PRKG1: variants seen among roughly 807,000 people sequenced by gnomAD.
The protein encoded by PRKG1 is protein kinase cGMP-dependent 1.
Under a neutral mutation model 88.1 loss-of-function variants are expected in PRKG1, and 35 were observed. The ratio of observed to expected loss-of-function variants is 0.40; its 90% confidence interval spans 0.30 to 0.53. PRKG1 has a LOEUF of 0.53. PRKG1 is among the 20% of genes least tolerant of loss of function. PRKG1 has a pLI of 0.59. For synonymous variants in PRKG1, 303 were observed against 292.5 expected (o/e 1.04, Z -0.37); for missense variants, 540 against 839.8 (o/e 0.64, Z 4.41).
intron 3 of PRKG1, among the ~76,000 whole-genome samples, chr10:51,753,313 C>T (rs1265571994): frequency 1.3e-5 from 2 of 152,010 alleles, no homozygotes; most frequent in African/African-American, 2.4e-5. Context: ...TTTCTAGATA[C>T]CAATTCGTTT....
chr10:51,618,332 AC>A (rs1839116828), intron 3 of PRKG1, among the ~76,000 whole-genome samples: 1 of 152,174 alleles, frequency 6.6e-6, no homozygotes, highest in South Asian at 2.1e-4. Flanking sequence ...ATATAAAGTA[AC>A]CCTACCCAAT....
intron 3 of PRKG1, among the ~76,000 whole-genome samples, chr10:51,757,194 T>G (rs995972724): frequency 1.6e-4 from 25 of 152,206 alleles, no homozygotes; most frequent in African/African-American, 5.8e-4. Flanking sequence ...CTCAACCTCC[T>G]GGGTTCAAGT....
intron 5 of PRKG1, among the ~76,000 whole-genome samples, chr10:51,981,585 CAATA>C (rs1162481842): frequency 2.0e-5 from 3 of 151,630 alleles, no homozygotes; most frequent in African/African-American, 7.3e-5. Context: ...GACTCTGTCT[CAATA>C]AATAAATAAA....
intron 2 of PRKG1, among the ~76,000 whole-genome samples, chr10:51,263,100 C>A (rs191196001): frequency 9.9e-5 from 15 of 152,264 alleles, no homozygotes; most frequent in African/African-American, 3.6e-4. Context: ...AAAAATCACA[C>A]CCAGAACACA....
chr10:51,291,668 A>G (rs917775268), intron 2 of PRKG1, among the ~76,000 whole-genome samples: 4 of 152,178 alleles, frequency 2.6e-5, no homozygotes, highest in African/African-American at 9.6e-5. Context: ...CCCCCCTTAA[A>G]AGAAAGAGTG....
intron 3 of PRKG1, among the ~76,000 whole-genome samples, chr10:51,711,350 C>T (rs183237894): frequency 4.0e-5 from 6 of 151,746 alleles, no homozygotes; most frequent in South Asian, 2.1e-4. Context: ...GTGATCGACC[C>T]GCCTCGGGCT....
At chr10:51,073,477 A>T (rs1423441737), upstream of PRKG1, among the ~76,000 whole-genome samples, 1 of 151,734 alleles carries the variant, frequency 6.6e-6, no homozygotes, top group Non-Finnish European at 1.5e-5. Context: ...ATGATTTTTA[A>T]CCCCCACCCT....
chr10:52,166,724 T>C (rs1050576447), intron 9 of PRKG1, among the ~76,000 whole-genome samples: 2 of 147,570 alleles, frequency 1.4e-5, no homozygotes, highest in African/African-American at 4.9e-5. Flanking sequence ...GTATCTTTGA[T>C]GTCTTAATTG....
At chr10:51,599,934 T>C (rs1838555530) in intron 3 of PRKG1, among the ~76,000 whole-genome samples, 1 of 152,190 alleles carries the variant, frequency 6.6e-6, no homozygotes, top group East Asian at 1.9e-4. Flanking sequence ...CATGCATGCA[T>C]ATTTGTGTGC....
chr10:51,501,891 C>T (rs1841038306), intron 3 of PRKG1, among the ~76,000 whole-genome samples: 1 of 148,340 alleles, frequency 6.7e-6, no homozygotes, highest in Non-Finnish European at 1.5e-5. Context: ...TACTGTACAG[C>T]AAAACTGCTG....
chr10:51,948,069 C>T (rs1181890858), intron 5 of PRKG1, among the ~76,000 whole-genome samples: 1 of 151,560 alleles, frequency 6.6e-6, no homozygotes, highest in Non-Finnish European at 1.5e-5. Context: ...TTATTTTTTT[C>T]ATTATATATT....
intron 1 of PRKG1, among the ~76,000 whole-genome samples, chr10:51,097,729 G>C (rs1017766281): frequency 6.6e-6 from 1 of 152,098 alleles, no homozygotes; most frequent in Non-Finnish European, 1.5e-5. Context: ...TTTTAATGCA[G>C]ATTACCCTCC....
chr10:51,143,469 T>C (rs1378907792), intron 1 of PRKG1, among the ~76,000 whole-genome samples: 1 of 152,104 alleles, frequency 6.6e-6, no homozygotes, highest in Non-Finnish European at 1.5e-5. Flanking sequence ...TTCAAAATAC[T>C]AATTTAGTTT....
intron 3 of PRKG1, among the ~76,000 whole-genome samples, chr10:51,575,291 G>C (rs1346531907): frequency 6.6e-6 from 1 of 151,846 alleles, no homozygotes; most frequent in South Asian, 2.1e-4. Context: ...TTTTGGTTAG[G>C]CCTCTCCAGA....
intron 2 of PRKG1, among the ~76,000 whole-genome samples, chr10:51,386,350 T>C (rs1317689161): frequency 6.6e-6 from 1 of 152,134 alleles, no homozygotes; most frequent in Non-Finnish European, 1.5e-5. Flanking sequence ...AGCTGAAAAT[T>C]CCTAAGATCT....
intron 4 of PRKG1, among the ~76,000 whole-genome samples, chr10:51,844,326 A>G (rs890994882): frequency 2.6e-5 from 4 of 152,156 alleles, no homozygotes; most frequent in African/African-American, 9.7e-5. Flanking sequence ...CAAGTGAAAA[A>G]ATATGGAAAT....
chr10:52,121,811 GCTC>G (rs1326745658), intron 7 of PRKG1, among the ~76,000 whole-genome samples: 1 of 152,072 alleles, frequency 6.6e-6, no homozygotes. Flanking sequence ...TCTCCCTACA[GCTC>G]CTGTCTTCTG....
rs1275713886 is a variant in PRKG1 at position 51,602,730 on chromosome 10, A to ATGTGTGTG, written c.592+134895_592+134896insGTGTGTGT. 2.6e-3 allele frequency among the ~76,000 whole-genome samples: 107 copies of ATGTGTGTG among 41,838 alleles called. 2 individuals are homozygous for ATGTGTGTG. The highest frequency in any genetic ancestry group is 9.4e-3 in the Admixed American group (32 of 3,398). The allele number at this position is 41,838 out of a possible 152,430, so 27.4% of individuals were successfully genotyped here. ...GCGCCTGGCTGGCTTTGATTAATAT[A>ATGTGTGTG]TATGTGTGTGTGTGTGTGTGTGTGT... On this transcript the variant is annotated intron_variant, in intron 3 of 17. Transcript: ENST00000373980.
chr10:51,619,076 C>G (rs141603202), intron 3 of PRKG1, among the ~76,000 whole-genome samples: 2 of 151,942 alleles, frequency 1.3e-5, no homozygotes, highest in African/African-American at 4.8e-5. Flanking sequence ...CATGGCTGGC[C>G]TAGGCATTTT....
Sources: allele counts gnomAD v4.1 joint callset (sites outside exome capture counted in the v4.1 genomes callset), GRCh38; gene constraint gnomAD v4.1.1; transcripts MANE v1.5; gene names NCBI Gene and HGNC (gene_info 2026-07-23, HGNC 2026-07-21).